The following ZNF726 variants were observed in gnomAD, a reference collection of about 807,000 sequenced individuals.
ZNF726 encodes zinc finger protein 92 pseudogene 3.
A neutral mutation model predicts 11.6 loss-of-function variants in ZNF726; 15 were observed. The ratio of observed to expected loss-of-function variants is 1.29; its 90% CI spans 0.86 to 1.99. ZNF726 has a LOEUF of 1.99. ZNF726 is among the 30% of genes most tolerant of loss of function. ZNF726 has a pLI of 0.00. For synonymous variants in ZNF726, 295 were observed against 243.6 expected (o/e 1.21, Z -1.96); for missense variants, 890 against 725.6 (o/e 1.23, Z -2.60).
intron 3 of ZNF726, chr19:23,921,090 AT>A (rs1199322463): frequency 6.6e-6 from 1 of 152,106 alleles, no homozygotes; most frequent in African/African-American, 2.4e-5. Context: ...GAGGTCACGA[AT>A]TTGAGACCAG....
chr19:23,939,923 A>G (rs77285363), intron 3 of ZNF726, among the ~76,000 whole-genome samples: 1 of 117,314 alleles, frequency 8.5e-6, no homozygotes, highest in Non-Finnish European at 1.7e-5. Context: ...TCTGGATATT[A>G]GTCCTTTGGC....
At chr19:23,925,028 T>C (rs1009971836) in intron 3 of ZNF726, among the ~76,000 whole-genome samples, 6 of 152,234 alleles carry the variant, frequency 3.9e-5, no homozygotes, top group Non-Finnish European at 7.3e-5. Context: ...ATGCTCTCTT[T>C]AGCCCTTGAG....
At chr19:23,928,148 A>G (rs2144979888) in intron 3 of ZNF726, 1 of 152,296 alleles carries the variant, frequency 6.6e-6, no homozygotes, top group South Asian at 2.1e-4. Flanking sequence ...ATCATGTAAT[A>G]TGTGCAGTTA....
At chr19:23,927,528 G>C (rs909461298) in intron 3 of ZNF726, among the ~76,000 whole-genome samples, 1 of 152,114 alleles carries the variant, frequency 6.6e-6, no homozygotes, top group African/African-American at 2.4e-5. Flanking sequence ...ATCTTACTCT[G>C]TCACCCAGGC....
At chr19:23,926,152 GTAGT>G (rs1383952379) in intron 3 of ZNF726, among the ~76,000 whole-genome samples, 2 of 152,076 alleles carry the variant, frequency 1.3e-5, no homozygotes, top group Non-Finnish European at 2.9e-5. Context: ...GAAGTGTAGT[GTAGT>G]TAAATTTTTT....
At chr19:23,923,408 AATT>A in intron 3 of ZNF726, 1 of 396,610 alleles carries the variant, frequency 2.5e-6, no homozygotes, top group South Asian at 1.8e-5. Flanking sequence ...AGATGCCAGT[AATT>A]TTTTTTTTTT....
intron 3 of ZNF726, among the ~76,000 whole-genome samples, chr19:23,941,750 T>C (rs2145005533): frequency 6.6e-6 from 1 of 152,282 alleles, no homozygotes; most frequent in East Asian, 1.9e-4. Context: ...TTTTCTAGTT[T>C]ATGTGTGTAA....
At chr19:23,921,405 T>A (rs1967848215) in intron 3 of ZNF726, 1 of 152,326 alleles carries the variant, frequency 6.6e-6, no homozygotes, top group South Asian at 2.1e-4. Flanking sequence ...TCGTGTACAT[T>A]TTAGGATTGT....
At chr19:23,919,564 T>G in intron 2 of ZNF726, 65 bp downstream of exon 2, 2 of 1,487,300 alleles carry the variant, frequency 1.3e-6, no homozygotes, top group Non-Finnish European at 1.8e-6. Context: ...TTTTGTAGTA[T>G]GTTTTCTGGT....
intron 1 of ZNF726, 70 bp from the exon 2 acceptor site, chr19:23,919,303 A>G: frequency 1.3e-6 from 2 of 1,576,426 alleles, no homozygotes; most frequent in East Asian, 4.6e-5. Flanking sequence ...TTCTGATTTT[A>G]CCTTGAGTCA....
At chr19:23,937,090 A>C (rs1252487496), downstream of ZNF726, among the ~76,000 whole-genome samples, 20 of 135,926 alleles carry the variant, frequency 1.5e-4, no homozygotes, top group African/African-American at 2.5e-4. Context: ...CGGGGGGCTG[A>C]CCCCCCCCAC....
At chr19:23,935,328 T>A (rs1414856717), downstream of ZNF726, 1 of 524,534 alleles carries the variant, frequency 1.9e-6, no homozygotes. Flanking sequence ...GTTTTTCTGG[T>A]CCTCAGCCCT....
At chr19:23,939,517 C>G (rs1968302646) in intron 3 of ZNF726, among the ~76,000 whole-genome samples, 1 of 152,048 alleles carries the variant, frequency 6.6e-6, no homozygotes, top group Admixed American at 6.6e-5. Flanking sequence ...ATAATGACTT[C>G]TTTTCCTGTG....
intron 4 of ZNF726, chr19:23,944,100 T>C (rs181901690): frequency 6.6e-6 from 1 of 152,354 alleles, no homozygotes; most frequent in Non-Finnish European, 1.5e-5. Flanking sequence ...TGTTTTCATT[T>C]GCAGTTGCCT....
At chr19:23,918,206 A>G (rs1038735482) in intron 1 of ZNF726, among the ~76,000 whole-genome samples, 3 of 152,206 alleles carry the variant, frequency 2.0e-5, no homozygotes, top group African/African-American at 7.2e-5. Context: ...GGAAGGGGGA[A>G]CACAGAGAGT....
At chr19:23,936,134 A>C (rs1443224642), downstream of ZNF726, 2 of 152,218 alleles carry the variant, frequency 1.3e-5, no homozygotes, top group African/African-American at 4.8e-5. Context: ...ATTATGAAAC[A>C]CCAAAGCGTT....
rs748560947 is a variant in ZNF726 at position 23,932,663 on chromosome 19, T to G, written c.547T>G (p.Cys183Gly). ...ATGTAAAAATTGTGTCAAATCATTTTGCATGTTTTCACACAAAACCCAGCA... is the reference window on the plus strand; with the variant it reads ...ATGTAAAAATTGTGTCAAATCATTTGGCATGTTTTCACACAAAACCCAGCA... ...FKCKNCVKSF[C>G]MFSHKTQHKS... is the part of the protein sequence containing the mutation. Residue 183 changes from cysteine (C) to glycine (G), a missense_variant, in exon 4 of 4, where the codon TGC (cysteine) becomes GGC (glycine). Coordinates refer to ENST00000594466, the MANE Select transcript of ZNF726 (RefSeq NM_001244038.2). 1 of 1,582,620 alleles carries G rather than the reference T, an allele frequency of 6.3e-7. No homozygotes were observed. The highest frequency in any genetic ancestry group is 8.6e-7 in the Non-Finnish European group (1 of 1,166,974).
intron 3 of ZNF726, among the ~76,000 whole-genome samples, chr19:23,940,969 G>A (rs1397925609): frequency 6.6e-6 from 1 of 152,064 alleles, no homozygotes; most frequent in Non-Finnish European, 1.5e-5. Context: ...TGATTTGGAT[G>A]CCCTTTATTT....
In ZNF726 at chr19:23,933,946, G is replaced by A. The variant is rs1968180973; in HGVS notation, c.1830G>A (p.Lys610=). 1.9e-6 allele frequency: 3 copies of A among 1,578,754 alleles called. No individual in the cohort carries two copies. Among genetic ancestry groups the A allele is most frequent in the Admixed American group, 3.7e-5 (2 of 54,344 alleles). ...TTATCTGGTCCTCAACCCTTTTTAA[G>A]CATAAGAGGATTCATACTTGAGAGA... is the stretch of plus-strand genomic sequence containing the variant. ...KSFIWSSTLF[K]HKRIHT The change falls in exon 4 of 4, where the codon AAG becomes AAA. Residue 610 remains lysine, a synonymous_variant. Coordinates refer to ENST00000594466, the MANE Select transcript of ZNF726 (RefSeq NM_001244038.2).
Sources: gnomAD v4.1 joint callset for allele counts (sites outside exome capture counted in the v4.1 genomes callset) on GRCh38, gnomAD v4.1.1 for gene constraint, MANE v1.5 for transcripts, NCBI Gene and HGNC (gene_info 2026-07-23, HGNC 2026-07-21) for gene names.